The following DPP6 variants were observed in gnomAD, a reference collection of about 807,000 sequenced individuals.
DPP6 encodes dipeptidyl peptidase like 6.
Under a neutral mutation model 122.6 loss-of-function variants are expected in DPP6, and 69 were observed. The ratio of observed to expected loss-of-function variants is 0.56; its 90% CI spans 0.46 to 0.69. The LOEUF (loss-of-function observed/expected upper bound fraction) is 0.69. Among genes scored for constraint, DPP6 ranks in the 30% least tolerant of loss-of-function variants. DPP6 has a pLI of 0.00. For missense variants in DPP6, 928 were observed against 1,116.9 expected, an observed-to-expected ratio of 0.83 and a Z score of 2.41; for synonymous variants, 418 against 433.1, an observed-to-expected ratio of 0.97 and a Z score of 0.43.
At chr7:154,528,764 C>T (rs1827613172) in intron 3 of DPP6, among the ~76,000 whole-genome samples, 1 of 152,178 alleles carries the variant, frequency 6.6e-6, no homozygotes, top group Non-Finnish European at 1.5e-5. Context: ...GAGATTAATT[C>T]TGCCTGGAAA....
intron 16 of DPP6, among the ~76,000 whole-genome samples, chr7:154,835,210 C>T (rs1407856687): frequency 6.6e-6 from 1 of 152,048 alleles, no homozygotes; most frequent in South Asian, 2.1e-4. Flanking sequence ...GGATCTGATA[C>T]GAGGGGTGGC....
chr7:154,265,617 A>C (rs892073791), intron 1 of DPP6, among the ~76,000 whole-genome samples: 2 of 152,234 alleles, frequency 1.3e-5, no homozygotes, highest in Non-Finnish European at 2.9e-5. Flanking sequence ...AGCAAGCATC[A>C]AAAAAATCCT....
intron 3 of DPP6, among the ~76,000 whole-genome samples, chr7:154,521,708 T>C (rs1826995061): frequency 6.6e-6 from 1 of 152,206 alleles, no homozygotes; most frequent in Admixed American, 6.5e-5. Context: ...AAAGTACTTA[T>C]CAATGTCATT....
chr7:153,965,670 G>A (rs375320214), intron 1 of DPP6, among the ~76,000 whole-genome samples: 2 of 152,016 alleles, frequency 1.3e-5, no homozygotes, highest in Admixed American at 1.3e-4. Context: ...CCACCACCAC[G>A]CCTGGCTAAT....
At chr7:153,994,083 A>G (rs1797321083) in intron 1 of DPP6, among the ~76,000 whole-genome samples, 1 of 151,990 alleles carries the variant, frequency 6.6e-6, no homozygotes, top group Non-Finnish European at 1.5e-5. Context: ...AACTCCTTTT[A>G]TAAGTGAATT....
intron 5 of DPP6, chr7:154,587,739 TCAC>T (rs1259283901): frequency 3.2e-6 from 5 of 1,569,520 alleles, no homozygotes; most frequent in Non-Finnish European, 4.3e-6. Flanking sequence ...GCCCAGCTTG[TCAC>T]CAGGGCTGTT....
intron 1 of DPP6, among the ~76,000 whole-genome samples, chr7:154,061,687 C>G (rs1411078148): frequency 7.2e-6 from 1 of 139,788 alleles, no homozygotes; most frequent in East Asian, 2.1e-4. Flanking sequence ...GCTCTTGGGA[C>G]CACCATCGCA....
chr7:154,866,601 G>A (rs117755616), intron 17 of DPP6, among the ~76,000 whole-genome samples: 123 of 152,332 alleles, frequency 8.1e-4, no homozygotes, highest in Admixed American at 1.7e-3. Context: ...GCTGGGACAC[G>A]TGTCCTGCAA....
At chr7:154,513,139 A>G (rs1826214887) in intron 3 of DPP6, among the ~76,000 whole-genome samples, 2 of 152,282 alleles carry the variant, frequency 1.3e-5, no homozygotes, top group South Asian at 4.2e-4. Context: ...AGTCTACTCA[A>G]TTATAGAATT....
chr7:154,627,712 C>G (rs1835174824), intron 5 of DPP6, among the ~76,000 whole-genome samples: 2 of 152,294 alleles, frequency 1.3e-5, no homozygotes, highest in South Asian at 2.1e-4. Flanking sequence ...TCAGGACTTA[C>G]AGTTCACTGG....
chr7:153,997,102 T>C (rs1797476554), intron 1 of DPP6, among the ~76,000 whole-genome samples: 1 of 152,130 alleles, frequency 6.6e-6, no homozygotes, highest in South Asian at 2.1e-4. Context: ...TTGTACTTGC[T>C]TATATATGTT....
At chr7:154,531,432 C>T (rs1212661027) in intron 3 of DPP6, among the ~76,000 whole-genome samples, 1 of 152,078 alleles carries the variant, frequency 6.6e-6, no homozygotes, top group Non-Finnish European at 1.5e-5. Flanking sequence ...TCTATATTCA[C>T]AGAAAATATT....
At chr7:154,082,559 A>T (rs1411117730) in intron 1 of DPP6, among the ~76,000 whole-genome samples, 2 of 151,858 alleles carry the variant, frequency 1.3e-5, no homozygotes, top group Non-Finnish European at 2.9e-5. Context: ...CCATTAAACG[A>T]CATGAAGTAC....
intron 1 of DPP6, among the ~76,000 whole-genome samples, chr7:153,939,487 A>C (rs1320507912): frequency 6.6e-6 from 1 of 152,218 alleles, no homozygotes; most frequent in East Asian, 1.9e-4. Flanking sequence ...TTAGTCTTAA[A>C]TTATAGTTGT....
chr7:154,045,405 T>C (rs1799971706), intron 1 of DPP6, among the ~76,000 whole-genome samples: 1 of 152,190 alleles, frequency 6.6e-6, no homozygotes, highest in Non-Finnish European at 1.5e-5. Flanking sequence ...AGTGCAGTGG[T>C]TCTCAGACTT....
chr7:154,277,458 A>G (rs1705134459), intron 1 of DPP6, among the ~76,000 whole-genome samples: 1 of 152,222 alleles, frequency 6.6e-6, no homozygotes, highest in Non-Finnish European at 1.5e-5. Flanking sequence ...TTATTTAATT[A>G]AAAATAAATT....
chr7:153,748,190 C>G, the DPP6 span, among the ~76,000 whole-genome samples: 2 of 152,164 alleles, frequency 1.3e-5, no homozygotes, highest in African/African-American at 4.8e-5. Context: ...AGCCCGGGTG[C>G]CGTCCCAGCT....
intron 1 of DPP6, among the ~76,000 whole-genome samples, chr7:154,115,152 C>T (rs527734652): frequency 1.3e-5 from 2 of 152,326 alleles, no homozygotes; most frequent in African/African-American, 2.4e-5. Context: ...TGGAACAGTG[C>T]TGCAGTCATC....
chr7:154,855,608 ACC>A (rs1802769529), intron 17 of DPP6, among the ~76,000 whole-genome samples: 4 of 152,006 alleles, frequency 2.6e-5, no homozygotes, highest in Non-Finnish European at 5.9e-5. Flanking sequence ...GCATCCACCC[ACC>A]CTCTGCCCAC....
Sources: gnomAD v4.1 joint callset for allele counts (sites outside exome capture counted in the v4.1 genomes callset) on GRCh38, gnomAD v4.1.1 for gene constraint, MANE v1.5 for transcripts, NCBI Gene and HGNC (gene_info 2026-07-23, HGNC 2026-07-21) for gene names.